ADD1: variants seen among roughly 807,000 people sequenced by gnomAD.
The protein encoded by ADD1 is adducin 1.
In ADD1, 24 loss-of-function variants were observed where a neutral mutation model predicts 80.5. That is an observed-to-expected ratio of 0.30 (90% CI 0.22 to 0.42). The LOEUF (loss-of-function observed/expected upper bound fraction) is 0.42, where lower values mean the gene tolerates loss of function less well. ADD1 is among the 10% of genes least tolerant of loss of function. The pLI is 1.00. For missense variants in ADD1, 948 were observed against 1,019.0 expected (o/e 0.93, Z 0.95); for synonymous variants, 373 against 393.8 (o/e 0.95, Z 0.63).
chr4:2,860,149 T>G (rs996563286), intron 1 of ADD1, among the ~76,000 whole-genome samples: 3 of 152,212 alleles, frequency 2.0e-5, no homozygotes, highest in African/African-American at 7.2e-5. Context: ...CACTTAGTTA[T>G]AACTTCCCTG....
chr4:2,900,825 T>C (rs1167770327), intron 9 of ADD1: 1 of 152,228 alleles, frequency 6.6e-6, no homozygotes, highest in Non-Finnish European at 1.5e-5. Context: ...AGCGTAACTT[T>C]TTGAGTTCAT....
Position 2,846,399 on chromosome 4 carries a change from A to G in ADD1, c.-21+2375A>G, listed in dbSNP as rs180873338. Among the ~76,000 whole-genome samples, 60 of 152,338 alleles carry G rather than the reference A, an allele frequency of 3.9e-4. No individual in the cohort carries two copies. In the Middle Eastern group the frequency reaches 0.017, roughly 43 times the overall value. The stretch of plus-strand genomic sequence containing the variant: ...GATTCAGCTTTACTTTTGTCAAGCA[A>G]ACTTCTTAGGTAAGTAGGCAGAAAT... On this transcript the variant is annotated intron_variant, in intron 1 of 15. Transcript: ENST00000683351.
chr4:2,911,159 C>T (rs61791185), intron 13 of ADD1, among the ~76,000 whole-genome samples: 1 of 152,252 alleles, frequency 6.6e-6, no homozygotes, highest in Non-Finnish European at 1.5e-5. Flanking sequence ...GTCCCACACA[C>T]TCCCCTCCCC....
chr4:2,868,160 CTG>C (rs1430566839), intron 1 of ADD1: 8 of 152,186 alleles, frequency 5.3e-5, no homozygotes, highest in African/African-American at 1.9e-4. Context: ...TGGTGGAGAA[CTG>C]TGTCATTAGG....
At chr4:2,920,670 T>TG (rs1293415877) in intron 14 of ADD1, among the ~76,000 whole-genome samples, 1 of 151,670 alleles carries the variant, frequency 6.6e-6, no homozygotes, top group African/African-American at 2.4e-5. Flanking sequence ...TTTTTTTTTT[T>TG]TGCTTTTCTT....
At position 2,897,541 on chromosome 4, in the gene ADD1, C is replaced by CTTTTTT. The variant is rs34592055; in HGVS notation, c.742-624_742-619dup. 4.5e-4 allele frequency among the ~76,000 whole-genome samples: 45 copies of CTTTTTT among 99,154 alleles called. 1 individual carries two copies. Among genetic ancestry groups the CTTTTTT allele is most frequent in the African/African-American group, 1.8e-3 (44 of 25,014 alleles). The allele number at this position is 99,154 out of a possible 152,430, so 65.0% of individuals were successfully genotyped here. A position where few individuals can be genotyped will look rare whatever the true frequency, so the allele number is the denominator to read the frequency against. On this transcript the variant is annotated intron_variant, in intron 6 of 15. Transcript: ENST00000683351. ...TTTAGAGCACTTGGAAAACCTCCTC[C>CTTTTTT]TTTTTTTTTTTTTTTTTTTTTTTTA... is the stretch of plus-strand genomic sequence containing the variant.
rs970604358 is a variant in ADD1 at position 2,928,629 on chromosome 4, C to A, written c.*106C>A. 2 of 1,292,502 alleles carry A rather than the reference C, an allele frequency of 1.5e-6. No homozygotes were observed. The highest frequency in any genetic ancestry group is 1.1e-6 in the Non-Finnish European group (1 of 923,656). The allele number at this position is 1,292,502 out of a possible 1,614,324, so 80.1% of individuals were successfully genotyped here. ...TGTAATGGAATGCAAAAAAGCCAAG[C>A]CCTCCGCCTAGAGGTCCCCTCACGT... On this transcript the variant is annotated 3_prime_UTR_variant, in exon 16 of 16. Coordinates refer to ENST00000683351, the MANE Select transcript of ADD1 (RefSeq NM_001354761.2).
intron 14 of ADD1, among the ~76,000 whole-genome samples, chr4:2,925,552 G>A (rs1406065676): frequency 1.3e-5 from 2 of 152,200 alleles, no homozygotes; most frequent in South Asian, 2.1e-4. Context: ...CAGTTGCCAA[G>A]TTTAAATTAT....
chr4:2,879,978 G>A, intron 2 of ADD1, among the ~76,000 whole-genome samples: 1 of 152,212 alleles, frequency 6.6e-6, no homozygotes, highest in East Asian at 1.9e-4. Flanking sequence ...GCCTCCCAAA[G>A]TGCTGGAAGT....
At position 2,928,347 on chromosome 4, in the gene ADD1, G is replaced by C. The variant is rs544004923; in HGVS notation, c.2224G>C (p.Glu742Gln). Reference protein sequence around the residue: ...PTEAPTEASPEPAPDPAPVAE... With the variant: ...PTEAPTEASPQPAPDPAPVAE... ...TGAGGCCCCTACTGAGGCCAGCCCC[G>C]AGCCAGCCCCAGACCCAGCCCCGGT... Residue 742 changes from glutamate to glutamine, a missense_variant, in exon 16 of 16, where the codon GAG becomes CAG. Transcript: ENST00000683351. The C allele has an allele frequency of 6.2e-7, 1 of 1,613,682 alleles. No individual in the cohort carries two copies.
At chr4:2,897,465 T>G (rs1735432077) in intron 6 of ADD1, among the ~76,000 whole-genome samples, 1 of 149,886 alleles carries the variant, frequency 6.7e-6, no homozygotes, top group Admixed American at 6.6e-5. Flanking sequence ...TCACCTAATT[T>G]TTAGGTGTTT....
intron 1 of ADD1, among the ~76,000 whole-genome samples, chr4:2,845,259 G>T (rs970838676): frequency 1.3e-5 from 2 of 152,124 alleles, no homozygotes; most frequent in African/African-American, 4.8e-5. Context: ...TTTTAGTAGA[G>T]ACGGGGTTTC....
chr4:2,909,309 G>A, intron 12 of ADD1, 30 bp from the exon 13 acceptor site: 2 of 1,522,944 alleles, frequency 1.3e-6, no homozygotes, highest in African/African-American at 1.4e-5. Flanking sequence ...TGGGCCTGGT[G>A]TGCTCTGGTG....
chr4:2,888,147 C>T lies in ADD1; in HGVS notation c.510+3481C>T, dbSNP rs1038469640. 3.3e-5 allele frequency among the ~76,000 whole-genome samples: 5 copies of T among 151,732 alleles called. 1 individual carries two copies. The highest frequency in any genetic ancestry group is 4.2e-4 in the South Asian group (2 of 4,808). ...GAATCTCGGCTCACTGCAACCTCTG[C>T]CGCCTCGGTTCAAGTGATCCTCCTG... On this transcript the variant is annotated intron_variant, in intron 4 of 15. Transcript: ENST00000683351.
intron 1 of ADD1, among the ~76,000 whole-genome samples, chr4:2,848,336 G>A (rs534410410): frequency 2.9e-4 from 44 of 152,276 alleles, no homozygotes; most frequent in African/African-American, 1.0e-3. Flanking sequence ...GGAATGAGGG[G>A]AAGCACATTT....
At chr4:2,880,972 A>C (rs1417578945) in intron 2 of ADD1, among the ~76,000 whole-genome samples, 2 of 152,072 alleles carry the variant, frequency 1.3e-5, no homozygotes, top group East Asian at 1.9e-4. Context: ...TAATTTGAAA[A>C]GTATTTTGAA....
intron 12 of ADD1, chr4:2,909,006 C>T: frequency 2.2e-6 from 1 of 446,804 alleles, no homozygotes; most frequent in Non-Finnish European, 4.1e-6. Context: ...GGGGTGGGTG[C>T]CTGTAAGTGT....
chr4:2,897,446 A>C (rs1735429402), intron 6 of ADD1, among the ~76,000 whole-genome samples: 1 of 149,490 alleles, frequency 6.7e-6, no homozygotes, highest in South Asian at 2.1e-4. Flanking sequence ...AACTTGTATA[A>C]ATTTGCTTTC....
chr4:2,881,805 A>G, intron 2 of ADD1, 93 bp from the exon 3 acceptor site: 1 of 1,161,486 alleles, frequency 8.6e-7, no homozygotes, highest in Non-Finnish European at 1.2e-6. Flanking sequence ...ACTGGATGAA[A>G]ACAAAAATTG....
Sources: gnomAD v4.1 joint callset for allele counts (sites outside exome capture counted in the v4.1 genomes callset) on GRCh38, gnomAD v4.1.1 for gene constraint, MANE v1.5 for transcripts, NCBI Gene and HGNC (gene_info 2026-07-23, HGNC 2026-07-21) for gene names.